Variants in TSHZ2 observed in about 807,000 individuals in gnomAD.
TSHZ2 encodes teashirt homolog 2.
In TSHZ2, 21 loss-of-function variants were observed where a neutral mutation model predicts 74.4. That is an observed-to-expected ratio of 0.28 (90% CI 0.20 to 0.41). The LOEUF (loss-of-function observed/expected upper bound fraction) is 0.41, where lower values mean the gene tolerates loss of function less well. TSHZ2 is among the 10% of genes least tolerant of loss of function. The pLI is 1.00. For missense variants in TSHZ2, 1,244 were observed against 1,293.5 expected, an observed-to-expected ratio of 0.96 and a Z score of 0.59; for synonymous variants, 540 against 515.3, an observed-to-expected ratio of 1.05 and a Z score of -0.65.
At chr20:53,457,701 T>C (rs1985157967) in intron 2 of TSHZ2, among the ~76,000 whole-genome samples, 2 of 148,132 alleles carry the variant, frequency 1.4e-5, no homozygotes, top group South Asian at 4.5e-4. Flanking sequence ...GGGTTTGTCA[T>C]AGATAGCTCT....
intron 2 of TSHZ2, among the ~76,000 whole-genome samples, chr20:53,475,062 G>C (rs1199796722): frequency 7.2e-6 from 1 of 138,756 alleles, no homozygotes; most frequent in Non-Finnish European, 1.5e-5. Flanking sequence ...AATAATGGGA[G>C]ACTTTAACAC....
At chr20:53,104,309 C>G (rs567413314) in intron 1 of TSHZ2, among the ~76,000 whole-genome samples, 1 of 152,260 alleles carries the variant, frequency 6.6e-6, no homozygotes, top group East Asian at 1.9e-4. Flanking sequence ...TGAAAGAATG[C>G]TGAATAAAGG....
chr20:53,453,663 A>G (rs955680912), intron 2 of TSHZ2, among the ~76,000 whole-genome samples: 5 of 152,172 alleles, frequency 3.3e-5, no homozygotes, highest in Non-Finnish European at 5.9e-5. Context: ...CTCCCTTCTC[A>G]CATAAAAGCA....
Position 53,475,541 on chromosome 20 carries a change from C to T in TSHZ2, c.*9-11603C>T, listed in dbSNP as rs1309960075. Among the ~76,000 whole-genome samples, 16 of 108,252 alleles carry T rather than the reference C, an allele frequency of 1.5e-4. 1 individual carries two copies. Among genetic ancestry groups the T allele is most frequent in the East Asian group, 6.5e-4 (2 of 3,088 alleles). 71.0% of individuals were successfully genotyped at this position (108,252 alleles called of 152,430 possible). A position where few individuals can be genotyped will look rare whatever the true frequency, so the allele number is the denominator to read the frequency against. Reference sequence around the variant, plus strand: ...GAGGGAAATTTATAGCACTAAATGCCCACAAGAGAAAGCAGGAAAGATCCA... The same window carrying T: ...GAGGGAAATTTATAGCACTAAATGCTCACAAGAGAAAGCAGGAAAGATCCA... On this transcript the variant is annotated intron_variant, in intron 2 of 2. Coordinates refer to ENST00000371497, the MANE Select transcript of TSHZ2 (RefSeq NM_173485.6).
chr20:53,183,544 G>C (rs1369623768), intron 1 of TSHZ2, among the ~76,000 whole-genome samples: 3 of 152,152 alleles, frequency 2.0e-5, no homozygotes, highest in East Asian at 1.9e-4. Context: ...TGTTTGGCAG[G>C]ATTCAAGGCT....
At chr20:52,985,795 A>G (rs1372173927) in intron 1 of TSHZ2, among the ~76,000 whole-genome samples, 5 of 152,232 alleles carry the variant, frequency 3.3e-5, no homozygotes, top group Non-Finnish European at 7.3e-5. Flanking sequence ...GGGAAAGGTT[A>G]GAGAGCACTG....
chr20:53,096,139 C>A (rs28710106), intron 1 of TSHZ2, among the ~76,000 whole-genome samples: 2 of 151,850 alleles, frequency 1.3e-5, no homozygotes, highest in Non-Finnish European at 2.9e-5. Context: ...TTTTGTTTGT[C>A]TGTTTGTTTG....
intron 1 of TSHZ2, among the ~76,000 whole-genome samples, chr20:53,213,579 G>C (rs1989363013): frequency 6.6e-6 from 1 of 152,152 alleles, no homozygotes; most frequent in African/African-American, 2.4e-5. Flanking sequence ...GAGACAGAGA[G>C]AGAGAAAGAG....
chr20:53,105,955 T>A (rs977575905), intron 1 of TSHZ2, among the ~76,000 whole-genome samples: 1 of 152,200 alleles, frequency 6.6e-6, no homozygotes, highest in Non-Finnish European at 1.5e-5. Flanking sequence ...AGCCTTATTT[T>A]ATTTTTAATT....
intron 2 of TSHZ2, among the ~76,000 whole-genome samples, chr20:53,343,058 C>T (rs1245362179): frequency 6.7e-6 from 1 of 150,214 alleles, no homozygotes; most frequent in Non-Finnish European, 1.5e-5. Flanking sequence ...TCTCCGCCTC[C>T]CGGGTTCAAG....
intron 1 of TSHZ2, among the ~76,000 whole-genome samples, chr20:53,193,908 C>T (rs937895612): frequency 1.2e-4 from 18 of 152,166 alleles, no homozygotes; most frequent in African/African-American, 3.4e-4. Flanking sequence ...TCTAGCATTC[C>T]GCATAAAAGA....
chr20:53,482,336 G>A (rs1407723124), intron 2 of TSHZ2, among the ~76,000 whole-genome samples: 1 of 152,052 alleles, frequency 6.6e-6, no homozygotes, highest in African/African-American at 2.4e-5. Context: ...ATGATCTCCT[G>A]AACTGCAGCA....
At chr20:53,234,677 C>T (rs1989900404) in intron 1 of TSHZ2, among the ~76,000 whole-genome samples, 1 of 152,118 alleles carries the variant, frequency 6.6e-6, no homozygotes, top group Non-Finnish European at 1.5e-5. Context: ...GCAGAGACAG[C>T]AGCCAGCGCA....
At chr20:52,981,959 C>T (rs933245416) in intron 1 of TSHZ2, among the ~76,000 whole-genome samples, 1 of 152,088 alleles carries the variant, frequency 6.6e-6, no homozygotes, top group South Asian at 2.1e-4. Flanking sequence ...GGATCTTGCC[C>T]TCCAATTGGG....
chr20:53,430,913 G>A lies in TSHZ2; in HGVS notation c.*9-56231G>A, dbSNP rs542662206. On this transcript the variant is annotated intron_variant, in intron 2 of 2. Transcript: ENST00000371497. ...TGGGACTACAGGTATGCGTCTCCAC[G>A]CCCAGCTAATTTTTGTATTTTTAGT... Among the ~76,000 whole-genome samples, 22 of 152,036 alleles carry A rather than the reference G, an allele frequency of 1.4e-4. No homozygotes were observed. In the East Asian group the frequency reaches 1.6e-3, roughly 11 times the overall value.
chr20:53,462,752 G>A (rs1337065111), intron 2 of TSHZ2, among the ~76,000 whole-genome samples: 4 of 152,212 alleles, frequency 2.6e-5, no homozygotes, highest in Non-Finnish European at 2.9e-5. Flanking sequence ...TGTTTCTGCA[G>A]TGCACAAATA....
At chr20:53,344,029 T>C (rs558458060) in intron 2 of TSHZ2, among the ~76,000 whole-genome samples, 1 of 152,298 alleles carries the variant, frequency 6.6e-6, no homozygotes, top group East Asian at 1.9e-4. Flanking sequence ...CCCCTGTGTG[T>C]TTTCTTGTTC....
At chr20:53,309,023 T>C (rs913533670) in intron 2 of TSHZ2, among the ~76,000 whole-genome samples, 1 of 152,168 alleles carries the variant, frequency 6.6e-6, no homozygotes, top group African/African-American at 2.4e-5. Context: ...GTTCTTCACA[T>C]GAAGGGAGGA....
intron 1 of TSHZ2, among the ~76,000 whole-genome samples, chr20:52,978,926 T>A (rs1981454642): frequency 6.6e-6 from 1 of 152,214 alleles, no homozygotes; most frequent in Admixed American, 6.5e-5. Context: ...TACATTCATT[T>A]TTCAGTAATT....
Sources: gnomAD v4.1 joint callset for allele counts (sites outside exome capture counted in the v4.1 genomes callset) on GRCh38, gnomAD v4.1.1 for gene constraint, MANE v1.5 for transcripts, NCBI Gene and HGNC (gene_info 2026-07-23, HGNC 2026-07-21) for gene names.